NTAQ1: variants seen among roughly 807,000 people sequenced by gnomAD.
The protein encoded by NTAQ1 is N-terminal glutamine amidase 1.
A neutral mutation model predicts 28.2 loss-of-function variants in NTAQ1; 21 were observed. The ratio of observed to expected loss-of-function variants is 0.74; its 90% CI spans 0.53 to 1.07. The LOEUF is 1.07. Among genes scored for constraint, NTAQ1 ranks in the 50% least tolerant of loss-of-function variants. NTAQ1 has a pLI of 0.00. For missense variants in NTAQ1, 264 were observed against 256.6 expected, an observed-to-expected ratio of 1.03 and a Z score of -0.20; for synonymous variants, 105 against 90.0, an observed-to-expected ratio of 1.17 and a Z score of -0.94.
downstream of NTAQ1, among the ~76,000 whole-genome samples, chr8:123,446,021 T>A (rs1815267750): frequency 6.6e-6 from 1 of 151,730 alleles, no homozygotes; most frequent in African/African-American, 2.4e-5. Flanking sequence ...CCAGACAGAG[T>A]CTCACTCTGT....
intron 2 of NTAQ1, among the ~76,000 whole-genome samples, chr8:123,428,999 CTG>C (rs1362058108): frequency 6.6e-6 from 1 of 152,122 alleles, no homozygotes; most frequent in African/African-American, 2.4e-5. Flanking sequence ...GGATTTGTCT[CTG>C]GAGTTTAAAT....
At chr8:123,417,708 G>T (rs540808495) in intron 1 of NTAQ1, among the ~76,000 whole-genome samples, 15 of 152,178 alleles carry the variant, frequency 9.9e-5, no homozygotes, top group Non-Finnish European at 2.1e-4. Flanking sequence ...TCCCCCTTCT[G>T]CTGGTCACTA....
intron 1 of NTAQ1, among the ~76,000 whole-genome samples, chr8:123,418,362 A>T (rs1339237417): frequency 6.6e-6 from 1 of 151,964 alleles, no homozygotes; most frequent in African/African-American, 2.4e-5. Flanking sequence ...GAGGCAGGAA[A>T]ATCGCTTGAA....
chr8:123,468,554 G>A (rs1816007698), exon 7 of NTAQ1, among the ~76,000 whole-genome samples: 1 of 152,220 alleles, frequency 6.6e-6, no homozygotes, highest in Non-Finnish European at 1.5e-5. Context: ...TTGAAGGACT[G>A]AATAATATTC....
At chr8:123,425,454 A>T (rs903219916) in intron 1 of NTAQ1, among the ~76,000 whole-genome samples, 1 of 150,962 alleles carries the variant, frequency 6.6e-6, no homozygotes, top group South Asian at 2.1e-4. Context: ...AGCAGTAGCA[A>T]TCTTCCCACC....
intron 1 of NTAQ1, among the ~76,000 whole-genome samples, chr8:123,424,849 G>T (rs1434794257): frequency 6.6e-6 from 1 of 152,128 alleles, no homozygotes; most frequent in Non-Finnish European, 1.5e-5. Flanking sequence ...ATGCTTGCCA[G>T]TTATGGATTT....
chr8:123,458,098 T>G, intron 6 of NTAQ1, among the ~76,000 whole-genome samples: 1 of 38,834 alleles, frequency 2.6e-5, no homozygotes, highest in African/African-American at 7.1e-5. Flanking sequence ...TTCCCCTCAC[T>G]GTTTTTTTTT....
chr8:123,444,711 G>A (rs777390855), downstream of NTAQ1, among the ~76,000 whole-genome samples: 7 of 152,252 alleles, frequency 4.6e-5, no homozygotes, highest in South Asian at 4.1e-4. Context: ...GGGTTTCACC[G>A]TGTTAGCCAG....
chr8:123,473,940 GTTA>G (rs1377609543), downstream of NTAQ1, among the ~76,000 whole-genome samples: 33 of 151,902 alleles, frequency 2.2e-4, no homozygotes, highest in East Asian at 1.9e-4. Context: ...TATTATTACT[GTTA>G]TTATTAATAT....
At chr8:123,439,425 C>T (rs1814914098) in intron 5 of NTAQ1, among the ~76,000 whole-genome samples, 1 of 151,216 alleles carries the variant, frequency 6.6e-6, no homozygotes, top group Non-Finnish European at 1.5e-5. Flanking sequence ...TCACTGCAAG[C>T]TCCGCCTCCC....
chr8:123,421,279 C>T (rs1026840100), intron 1 of NTAQ1, among the ~76,000 whole-genome samples: 2 of 150,888 alleles, frequency 1.3e-5, no homozygotes, highest in African/African-American at 4.9e-5. Flanking sequence ...GGGGTTGTGC[C>T]ATGTTGCCCA....
At chr8:123,451,406 T>A (rs1397191728), downstream of NTAQ1, among the ~76,000 whole-genome samples, 2 of 152,228 alleles carry the variant, frequency 1.3e-5, no homozygotes, top group Non-Finnish European at 2.9e-5. Flanking sequence ...TGGCGTGATC[T>A]TGACTAACTG....
chr8:123,451,635 G>T (rs1815496799), downstream of NTAQ1, among the ~76,000 whole-genome samples: 1 of 152,116 alleles, frequency 6.6e-6, no homozygotes, highest in South Asian at 2.1e-4. Flanking sequence ...CACCACACCT[G>T]GTCTAAAAGT....
At position 123,459,758 on chromosome 8, in the gene NTAQ1, C is replaced by T. The variant is rs1472785558; in HGVS notation, c.373-7321C>T. On this transcript the variant is annotated intron_variant, in intron 6 of 6. Transcript: ENST00000650311. The stretch of plus-strand genomic sequence containing the variant: ...CAGGAAATCACAAGGGTTTTCGAAG[C>T]TCTGTGCCAGGAACTTGGGGTGGAG... Among the ~76,000 whole-genome samples the T allele has an allele frequency of 2.6e-5, 4 of 151,658 alleles. No homozygotes were observed. The East Asian group carries it at 7.8e-4, about 29-fold the overall frequency.
chr8:123,424,071 CGT>C (rs1813888349), intron 1 of NTAQ1, among the ~76,000 whole-genome samples: 1 of 45,988 alleles, frequency 2.2e-5, no homozygotes, highest in African/African-American at 7.2e-5. Context: ...TATTTTTATG[CGT>C]TTTTTTTTTT....
intron 3 of NTAQ1, chr8:123,435,592 C>T (rs1194454919): frequency 1.1e-6 from 1 of 916,440 alleles, no homozygotes; most frequent in Non-Finnish European, 1.3e-6. Context: ...GTGGGGCCGG[C>T]ACTGTGGCTC....
chr8:123,416,865 C>T lies in NTAQ1; in HGVS notation c.16C>T (p.Pro6Ser), dbSNP rs1428614118. 2.0e-5 allele frequency: 31 copies of T among 1,530,678 alleles called. No individual in the cohort carries two copies. The highest frequency in any genetic ancestry group is 2.8e-5 in the African/African-American group (2 of 70,780). 94.8% of individuals were successfully genotyped at this position (1,530,678 alleles called of 1,614,324 possible). Residue 6 changes from proline to serine, a missense_variant, in exon 1 of 6, where the codon CCC becomes TCC. By Grantham distance (74) the Pro-to-Ser change is moderately conservative (BLOSUM62 -1). Coordinates refer to ENST00000287387, the MANE Select transcript of NTAQ1 (RefSeq NM_018024.3). ...CTAGCCGGCCATGGAAGGTAATGGC[C>T]CCGCTGCTGTCCACTACCAGCCGGC... is the stretch of plus-strand genomic sequence containing the variant. Reference protein sequence around the residue: MEGNGPAAVHYQPASP... With the variant: MEGNGSAAVHYQPASP...
intron 3 of NTAQ1, among the ~76,000 whole-genome samples, chr8:123,431,235 G>A (rs1814370944): frequency 6.6e-6 from 1 of 151,838 alleles, no homozygotes; most frequent in African/African-American, 2.4e-5. Flanking sequence ...TACTCGGGAG[G>A]CTGAGGCAGG....
At chr8:123,441,203 C>T in intron 5 of NTAQ1, 103 bp from the exon 6 acceptor site, 1 of 808,116 alleles carries the variant, frequency 1.2e-6, no homozygotes, top group Non-Finnish European at 2.0e-6. Flanking sequence ...AGCCCTTATC[C>T]ATTTGAATAA....
Sources: allele counts gnomAD v4.1 joint callset (sites outside exome capture counted in the v4.1 genomes callset), GRCh38; gene constraint gnomAD v4.1.1; transcripts MANE v1.5; gene names NCBI Gene and HGNC (gene_info 2026-07-23, HGNC 2026-07-21).